Variants in TRMT9B observed in about 807,000 individuals in gnomAD.
TRMT9B encodes the protein tRNA methyltransferase 9B (putative).
In TRMT9B, 16 loss-of-function variants were observed where a neutral mutation model predicts 11.5. That is an observed-to-expected ratio of 1.39 (90% CI 0.94 to 2.11). The LOEUF (loss-of-function observed/expected upper bound fraction) is 2.11. Among genes scored for constraint, TRMT9B ranks in the 30% most tolerant of loss-of-function variants. The pLI is 0.00. For missense variants in TRMT9B, 941 were observed against 553.8 expected (o/e 1.70, Z -7.02); for synonymous variants, 274 against 192.4 (o/e 1.42, Z -3.51).
At chr8:13,018,250 A>G (rs1253233514) in intron 4 of TRMT9B, among the ~76,000 whole-genome samples, 2 of 151,782 alleles carry the variant, frequency 1.3e-5, no homozygotes, top group East Asian at 3.9e-4. Context: ...AAAAATACAA[A>G]AATTAGCTGG....
At chr8:12,983,528 G>A (rs4265184) in intron 1 of TRMT9B, among the ~76,000 whole-genome samples, 47,663 of 151,978 alleles carry the variant, frequency 0.31, 7,990 homozygotes, top group East Asian at 0.59. Flanking sequence ...AAATTAGCTG[G>A]GCGTTGTGGC....
chr8:12,964,094 G>C (rs922000840), intron 1 of TRMT9B, among the ~76,000 whole-genome samples: 6 of 152,104 alleles, frequency 3.9e-5, no homozygotes, highest in African/African-American at 9.7e-5. Flanking sequence ...CTAAAACAGA[G>C]GTTTTATGAT....
chr8:13,002,491 T>C (rs940149571), intron 2 of TRMT9B, among the ~76,000 whole-genome samples: 1 of 152,230 alleles, frequency 6.6e-6, no homozygotes, highest in African/African-American at 2.4e-5. Context: ...CAACATAAGC[T>C]GTTTCAATTT....
intron 3 of TRMT9B, among the ~76,000 whole-genome samples, chr8:13,008,118 C>T (rs1451321669): frequency 2.0e-5 from 3 of 152,142 alleles, no homozygotes; most frequent in Non-Finnish European, 4.4e-5. Flanking sequence ...AATGTATAAG[C>T]TTGTTGCATA....
At chr8:12,967,339 CT>C (rs1802954685) in intron 1 of TRMT9B, among the ~76,000 whole-genome samples, 1 of 151,974 alleles carries the variant, frequency 6.6e-6, no homozygotes, top group Non-Finnish European at 1.5e-5. Flanking sequence ...TGAGACTTGA[CT>C]TTGGGACTAT....
At chr8:12,953,216 T>A (rs908994728) in intron 1 of TRMT9B, among the ~76,000 whole-genome samples, 1 of 112,176 alleles carries the variant, frequency 8.9e-6, no homozygotes, top group African/African-American at 3.6e-5. Flanking sequence ...ATATCTATAT[T>A]GTTTTCAGGT....
chr8:13,007,376 T>C (rs1810677378), intron 3 of TRMT9B: 1 of 152,238 alleles, frequency 6.6e-6, no homozygotes, highest in South Asian at 2.1e-4. Flanking sequence ...GGACTAAGAC[T>C]TAAAATGTGG....
intron 3 of TRMT9B, among the ~76,000 whole-genome samples, chr8:13,008,631 C>T (rs544371950): frequency 4.4e-4 from 67 of 152,258 alleles, no homozygotes; most frequent in Non-Finnish European, 7.4e-4. Flanking sequence ...TGGAAAAGTT[C>T]CACAAGACAA....
chr8:12,993,167 C>G (rs1441739790), intron 2 of TRMT9B, among the ~76,000 whole-genome samples: 2 of 152,132 alleles, frequency 1.3e-5, no homozygotes, highest in East Asian at 3.9e-4. Flanking sequence ...TGGACTGGAC[C>G]AGGTCAGGGA....
At chr8:12,969,891 G>C (rs1401044688) in intron 1 of TRMT9B, 3 of 135,374 alleles carry the variant, frequency 2.2e-5, no homozygotes, top group Non-Finnish European at 3.1e-5. Context: ...CTTGCTATGT[G>C]GCCCAGGCTG....
chr8:12,990,929 C>T lies in TRMT9B; in HGVS notation c.-104C>T, dbSNP rs1025721399. The T allele has an allele frequency of 2.3e-6, 3 of 1,289,044 alleles. No homozygotes were observed. The highest frequency in any genetic ancestry group is 1.5e-5 in the African/African-American group (1 of 65,828). The allele number at this position is 1,289,044 out of a possible 1,614,324, so 79.9% of individuals were successfully genotyped here. A position where few individuals can be genotyped will look rare whatever the true frequency, so the allele number is the denominator to read the frequency against. On this transcript the variant is annotated 5_prime_UTR_variant, in exon 2 of 5. Transcript: ENST00000524591. ...CCTACAAGTTTTCATTTACGTTACA[C>T]ATTGAGAAAGTTATGAGAAGCAACT...
intron 4 of TRMT9B, among the ~76,000 whole-genome samples, chr8:13,013,814 G>C (rs555617037): frequency 2.0e-5 from 3 of 152,044 alleles, no homozygotes; most frequent in Non-Finnish European, 1.5e-5. Flanking sequence ...GCCGGGCATG[G>C]TACAAGCGCC....
chr8:12,949,119 C>T (rs188293541), intron 1 of TRMT9B, among the ~76,000 whole-genome samples: 1 of 152,224 alleles, frequency 6.6e-6, no homozygotes, highest in Non-Finnish European at 1.5e-5. Flanking sequence ...TTATGTGTGG[C>T]ATCACTGGCC....
chr8:12,979,475 C>T (rs1183710175), intron 1 of TRMT9B, among the ~76,000 whole-genome samples: 1 of 52,584 alleles, frequency 1.9e-5, no homozygotes, highest in East Asian at 4.7e-4. Context: ...GACTCCATCT[C>T]AAAATAAAAA....
chr8:13,009,576 G>A (rs888579148), intron 3 of TRMT9B, among the ~76,000 whole-genome samples: 3 of 152,096 alleles, frequency 2.0e-5, no homozygotes, highest in African/African-American at 7.2e-5. Context: ...GATGTTTTAT[G>A]TAAAAATAAG....
intron 1 of TRMT9B, among the ~76,000 whole-genome samples, chr8:12,946,480 C>A (rs750593809): frequency 1.3e-5 from 2 of 151,940 alleles, no homozygotes; most frequent in Admixed American, 6.6e-5. Context: ...ACTGGGAGGA[C>A]GGAGATTGTA....
chr8:12,953,282 A>C (rs1800871656), intron 1 of TRMT9B, among the ~76,000 whole-genome samples: 1 of 152,168 alleles, frequency 6.6e-6, no homozygotes, highest in Non-Finnish European at 1.5e-5. Context: ...TCAGCAATTA[A>C]AATTGCTATT....
Position 13,006,196 on chromosome 8 carries a change from C to G in TRMT9B, c.-1-6C>G, listed in dbSNP as rs1412478619. The G allele has an allele frequency of 6.2e-7, 1 of 1,613,810 alleles. No homozygotes were observed. On this transcript the variant is annotated splice_polypyrimidine_tract_variant and splice_region_variant and intron_variant, in intron 2 of 4. Transcript: ENST00000524591. The stretch of plus-strand genomic sequence containing the variant: ...GCATGCCTTGGGTTGGTCCTGTTTT[C>G]TCCAGGATGGATCATGAAGCCGCCC...
At chr8:12,981,625 G>T (rs1805407685) in intron 1 of TRMT9B, among the ~76,000 whole-genome samples, 1 of 151,576 alleles carries the variant, frequency 6.6e-6, no homozygotes, top group Non-Finnish European at 1.5e-5. Context: ...ATAGAAACAG[G>T]GTCTCGCTCT....
Sources: gnomAD v4.1 joint callset for allele counts (sites outside exome capture counted in the v4.1 genomes callset) on GRCh38, gnomAD v4.1.1 for gene constraint, MANE v1.5 for transcripts, NCBI Gene and HGNC (gene_info 2026-07-23, HGNC 2026-07-21) for gene names.